CHD2: variants seen among roughly 807,000 people sequenced by gnomAD.
The protein encoded by CHD2 is ATP-dependent chromatin remodeler CHD2.
Under a neutral mutation model 243.9 loss-of-function variants are expected in CHD2, and 28 were observed. The ratio of observed to expected loss-of-function variants is 0.11; its 90% confidence interval spans 0.09 to 0.16. CHD2 has a LOEUF of 0.16. CHD2 is among the 10% of genes least tolerant of loss of function. The pLI is 1.00. For synonymous variants in CHD2, 775 were observed against 779.0 expected (o/e 0.99, Z 0.09); for missense variants, 1,386 against 2,209.8 (o/e 0.63, Z 7.47).
chr15:92,937,631 C>CTGTTTGCTTAAGATCTCTACTTGGGATG lies in CHD2; in HGVS notation c.551+7_551+34dup. 2 of 1,604,844 alleles carry CTGTTTGCTTAAGATCTCTACTTGGGATG rather than the reference C, an allele frequency of 1.2e-6. No individual in the cohort carries two copies. Among genetic ancestry groups the CTGTTTGCTTAAGATCTCTACTTGGGATG allele is most frequent in the East Asian group, 2.2e-5 (1 of 44,816 alleles). On this transcript the variant is annotated splice_region_variant and intron_variant, in intron 6 of 38. Transcript: ENST00000394196. The stretch of plus-strand genomic sequence containing the variant: ...AGAAGACCTGTCCCCAGAAGGTGCA[C>CTGTTTGCTTAAGATCTCTACTTGGGATG]TGTTTGCTTAAGATCTCTACTTGGG...
chr15:93,020,205 T>C lies in CHD2; in HGVS notation c.5100T>C (p.Tyr1700=), dbSNP rs751251777. ...RPNNMSRKRP[Y]DQYSSDRDHR... is the part of the protein sequence containing the mutation. Reference sequence around the variant, plus strand: ...ACAACATGTCCAGAAAGAGGCCTTATGACCAGTACAGCAGTGACCGAGACC... The same window carrying C: ...ACAACATGTCCAGAAAGAGGCCTTACGACCAGTACAGCAGTGACCGAGACC... The change falls in exon 38 of 39, where the codon TAT becomes TAC. Residue 1700 remains tyrosine (Y), a synonymous_variant. Transcript: ENST00000394196. 3.1e-6 allele frequency: 5 copies of C among 1,614,010 alleles called. No homozygotes were observed. Among genetic ancestry groups the C allele is most frequent in the African/African-American group, 2.7e-5 (2 of 74,900 alleles).
At chr15:92,972,456 C>A (rs148270309) in intron 19 of CHD2, 39 bp downstream of exon 19, 10 of 1,531,854 alleles carry the variant, frequency 6.5e-6, no homozygotes, top group Non-Finnish European at 8.8e-6. Flanking sequence ...GGGAATCAAT[C>A]TCTCTCTCCG....
chr15:92,983,642 A>T (rs1239213451), intron 24 of CHD2, among the ~76,000 whole-genome samples: 1 of 152,248 alleles, frequency 6.6e-6, no homozygotes, highest in African/African-American at 2.4e-5. Context: ...GTTCTTTGAA[A>T]TGGATACACT....
Position 92,997,118 on chromosome 15 carries a change from C to CT in CHD2, c.3734+25dup. On this transcript the variant is annotated intron_variant, in intron 29 of 38. Transcript: ENST00000394196. This position sits in a 1 kb window ranked among gnomAD's most constrained non-coding sequence, Gnocchi z 4.1. The stretch of plus-strand genomic sequence containing the variant: ...AAAGTGAGTATATTTTGTGTACATG[C>CT]TTAGATGGTCGTACCGTAAGAAAAT... 1 of 1,606,254 alleles carries CT rather than the reference C, an allele frequency of 6.2e-7. No homozygotes were observed. The highest frequency in any genetic ancestry group is 8.5e-7 in the Non-Finnish European group (1 of 1,177,620).
intron 35 of CHD2, among the ~76,000 whole-genome samples, 185 bp from the exon 36 acceptor site, chr15:93,012,160 G>A (rs1336543778): frequency 1.3e-5 from 2 of 151,974 alleles, no homozygotes; most frequent in African/African-American, 4.8e-5. Context: ...AGAACCTATC[G>A]ACAACATTAA....
At chr15:93,023,681 GT>G (rs1043758356) in intron 38 of CHD2, among the ~76,000 whole-genome samples, 1 of 147,674 alleles carries the variant, frequency 6.8e-6, no homozygotes, top group African/African-American at 2.5e-5. Flanking sequence ...TTTTTTTTGT[GT>G]TTTTTTTTAA....
Position 92,949,147 on chromosome 15 carries a change from T to A in CHD2, c.1502+71T>A, listed in dbSNP as rs894539776. 2.5e-6 allele frequency: 4 copies of A among 1,577,532 alleles called. No individual in the cohort carries two copies. The African/African-American group carries it at 5.5e-5, about 22-fold the overall frequency. Reference sequence around the variant, plus strand: ...TCTTTATTGTTAGATGTCAAGAATTTTTTTTTTCTTTTTTCACACCCTTAT... The same window carrying A: ...TCTTTATTGTTAGATGTCAAGAATTATTTTTTTCTTTTTTCACACCCTTAT... On this transcript the variant is annotated intron_variant, in intron 13 of 38. Transcript: ENST00000394196.
Position 92,998,086 on chromosome 15 carries a change from G to A in CHD2, c.3886-413G>A. 1 of 641,790 alleles carries A rather than the reference G, an allele frequency of 1.6e-6. No homozygotes were observed. The highest frequency in any genetic ancestry group is 6.2e-5 in the South Asian group (1 of 16,060). 39.8% of individuals were successfully genotyped at this position (641,790 alleles called of 1,614,324 possible). ...AAGGAACAGATCATGTCCTGGCGTA[G>A]CTCAGTGCTCTCCGGCAATGCTCTA... is the stretch of plus-strand genomic sequence containing the variant. On this transcript the variant is annotated intron_variant, in intron 30 of 38. Transcript: ENST00000394196. The surrounding 1 kb of genome is among the most constrained non-coding windows in gnomAD (Gnocchi z 5.1).
intron 6 of CHD2, 27 bp from the exon 7 acceptor site, chr15:92,939,551 A>C: frequency 6.2e-7 from 1 of 1,606,206 alleles, no homozygotes; most frequent in Non-Finnish European, 8.5e-7. Flanking sequence ...GTGAAGACTT[A>C]GCCTTTTGTT....
chr15:92,955,107 G>A (rs1171428880), intron 14 of CHD2, among the ~76,000 whole-genome samples: 1 of 152,164 alleles, frequency 6.6e-6, no homozygotes, highest in East Asian at 1.9e-4. Context: ...GGATCTGGGA[G>A]ATCCCTTGTT....
intron 26 of CHD2, among the ~76,000 whole-genome samples, chr15:92,987,006 G>A (rs2141853697): frequency 6.6e-6 from 1 of 152,240 alleles, no homozygotes; most frequent in African/African-American, 2.4e-5. Flanking sequence ...AAAGTGTTGG[G>A]ATTATAGGCC....
chr15:92,979,977 A>C (rs532692906), intron 22 of CHD2, among the ~76,000 whole-genome samples: 45 of 151,912 alleles, frequency 3.0e-4, no homozygotes, highest in African/African-American at 1.0e-3. Context: ...AATAATAAAA[A>C]TAAGTTTACA....
chr15:92,931,874 T>G (rs997138979), intron 5 of CHD2, among the ~76,000 whole-genome samples: 3 of 151,444 alleles, frequency 2.0e-5, no homozygotes, highest in Admixed American at 6.6e-5. Flanking sequence ...TTTTTTTTTT[T>G]TTTTTTTGAG....
At chr15:92,966,078 T>C (rs1415959125) in intron 16 of CHD2, among the ~76,000 whole-genome samples, 2 of 149,826 alleles carry the variant, frequency 1.3e-5, no homozygotes, top group African/African-American at 4.9e-5. Context: ...TTTTTTTTTT[T>C]TTTTTGAGAC....
At chr15:93,021,424 T>G (rs146092089) in intron 38 of CHD2, 1 of 152,342 alleles carries the variant, frequency 6.6e-6, no homozygotes, top group East Asian at 1.9e-4. Context: ...AATTTGGAAA[T>G]TTTTACAATC....
chr15:93,008,050 T>G (rs2054344060), intron 34 of CHD2, among the ~76,000 whole-genome samples: 1 of 152,220 alleles, frequency 6.6e-6, no homozygotes. Context: ...TTTGAAAGTT[T>G]TCATTATAGG....
chr15:93,001,549 C>A (rs1225548133), intron 32 of CHD2, among the ~76,000 whole-genome samples: 1 of 152,124 alleles, frequency 6.6e-6, no homozygotes, highest in African/African-American at 2.4e-5. Flanking sequence ...TGGAGTCTTG[C>A]TTTGTCACCC....
chr15:93,021,287 C>A (rs1158547280), intron 38 of CHD2: 1 of 151,628 alleles, frequency 6.6e-6, no homozygotes, highest in Non-Finnish European at 1.5e-5. Context: ...TATCTTTGTT[C>A]CTCTTTACAT....
At chr15:93,000,268 A>G (rs1202512798) in intron 31 of CHD2, among the ~76,000 whole-genome samples, 5 of 150,874 alleles carry the variant, frequency 3.3e-5, no homozygotes, top group Admixed American at 6.6e-5. Context: ...TCCATCTCGG[A>G]AAAAAAAACG....
Sources: gnomAD v4.1 joint callset for allele counts (sites outside exome capture counted in the v4.1 genomes callset) on GRCh38, gnomAD v4.1.1 for gene constraint, Gnocchi (gnomAD v3.1) non-coding constraint, MANE v1.5 for transcripts, NCBI Gene and HGNC (gene_info 2026-07-23, HGNC 2026-07-21) for gene names.